Variants in ZDHHC6 observed in about 807,000 individuals in gnomAD.
ZDHHC6 encodes zDHHC palmitoyltransferase 6.
A neutral mutation model predicts 57.8 loss-of-function variants in ZDHHC6; 32 were observed. The observed-to-expected ratio is 0.55, with a 90% confidence interval of 0.42 to 0.74. The LOEUF (loss-of-function observed/expected upper bound fraction) is 0.74. Ranked by LOEUF, ZDHHC6 falls within the 30% of genes least tolerant of loss-of-function variation. The probability of loss-of-function intolerance (pLI) is 0.00; values close to 1 mark genes in which losing one functional copy is unlikely to be tolerated. For synonymous variants in ZDHHC6, 128 were observed against 158.0 expected (o/e 0.81, Z 1.42); for missense variants, 433 against 500.7 (o/e 0.86, Z 1.29).
chr10:112,436,213 G>A (rs1404170039), intron 6 of ZDHHC6, among the ~76,000 whole-genome samples: 2 of 152,242 alleles, frequency 1.3e-5, no homozygotes, highest in Non-Finnish European at 2.9e-5. Context: ...AGTGGCTCAC[G>A]CCTGTAATCC....
chr10:112,439,670 G>GTT (rs1845920901), intron 5 of ZDHHC6, among the ~76,000 whole-genome samples: 43 of 54,554 alleles, frequency 7.9e-4, no homozygotes, highest in East Asian at 2.3e-3. Context: ...AAAAAAAAAA[G>GTT]AATGAAAAAG....
At chr10:112,439,702 A>G (rs1195684344) in intron 5 of ZDHHC6, among the ~76,000 whole-genome samples, 1 of 143,174 alleles carries the variant, frequency 7.0e-6, no homozygotes, top group Admixed American at 7.1e-5. Flanking sequence ...GTCCCTTCAG[A>G]GCCAGGTCCT....
downstream of ZDHHC6, chr10:112,427,334 C>T (rs1220268527): frequency 5.0e-6 from 8 of 1,613,214 alleles, no homozygotes; most frequent in African/African-American, 1.1e-4. Flanking sequence ...AAATTGACAG[C>T]CTGTATGAGC....
chr10:112,424,850 T>C (rs1844608378), exon 12 of ZDHHC6: 1 of 152,298 alleles, frequency 6.6e-6, no homozygotes, highest in South Asian at 2.1e-4. Context: ...AGCCCAGTAA[T>C]TGAGTTGCTT....
At chr10:112,431,640 C>T (rs569515987) in intron 10 of ZDHHC6, among the ~76,000 whole-genome samples, 15 of 151,882 alleles carry the variant, frequency 9.9e-5, no homozygotes, top group East Asian at 9.7e-4. Flanking sequence ...ATATCACGGC[C>T]GTCATAAGAG....
In ZDHHC6 at chr10:112,445,522, T is replaced by C. The variant is rs1846578030; in HGVS notation, c.-86A>G. On this transcript the variant is annotated 5_prime_UTR_variant, in exon 2 of 11. The change abolishes an upstream ATG in the 5' untranslated region. Transcript: ENST00000369405. ...CACATTTCCATGTGCCACAAGTCCA[T>C]GTGTGTTCTTTAATTGTCATGCCTT... 1.3e-5 allele frequency: 19 copies of C among 1,459,970 alleles called. No individual in the cohort carries two copies. The highest frequency in any genetic ancestry group is 2.3e-5 in the East Asian group (1 of 43,130). The allele number at this position is 1,459,970 out of a possible 1,614,324, so 90.4% of individuals were successfully genotyped here. A position where few individuals can be genotyped will look rare whatever the true frequency, so the allele number is the denominator to read the frequency against.
upstream of ZDHHC6, chr10:112,447,245 T>C (rs1246377471): frequency 1.1e-6 from 1 of 936,040 alleles, no homozygotes. Context: ...GGTTGAGAGC[T>C]GTCCCCGGTT....
At position 112,432,376 on chromosome 10, in the gene ZDHHC6, C is replaced by G; in HGVS notation, c.1091G>C (p.Arg364Pro). ...GEFILATRGL[R>P]YWLYGDKILD... ...AAATGCAGTACTTCCTATTACTTAC[C>G]GTAAACCTCTTGTGGCTAAAATGAA... The change falls in exon 9 of 11, where the codon CGA (arginine) becomes CCA (proline). Residue 364 changes from arginine to proline, a missense_variant and splice_region_variant. Coordinates refer to ENST00000369405, the MANE Select transcript of ZDHHC6 (RefSeq NM_022494.3). 1 of 1,614,002 alleles carries G rather than the reference C, an allele frequency of 6.2e-7. No individual in the cohort carries two copies. The highest frequency in any genetic ancestry group is 8.5e-7 in the Non-Finnish European group (1 of 1,179,978).
chr10:112,445,756 A>G, intron 1 of ZDHHC6, 106 bp from the exon 2 acceptor site: 1 of 443,174 alleles, frequency 2.3e-6, no homozygotes, highest in Non-Finnish European at 4.0e-6. Context: ...ACAGCATCTC[A>G]CAAGTGCACT....
chr10:112,427,630 TTC>T (rs1213929346), downstream of ZDHHC6: 4 of 245,144 alleles, frequency 1.6e-5, no homozygotes, highest in Non-Finnish European at 2.3e-5. Flanking sequence ...CCAGTTTATG[TTC>T]TGTGTCCTTC....
rs369541274 is a variant in ZDHHC6 at position 112,430,827 on chromosome 10, C to G, written c.1219G>C (p.Glu407Gln). The change falls in exon 11 of 11, where the codon GAG (glutamate) becomes CAG (glutamine). Residue 407 changes from glutamate (E) to glutamine (Q), a missense_variant. Physicochemically the swap from Glu to Gln is conservative, Grantham distance 29. Transcript: ENST00000369405. ...PCDAETDQAP[E>Q]GEKKNR ...AGCTATCTATTTTTCTTCTCCCCCT[C>G]TGGGGCTTGATCTGTTTCAGCATCA... is the stretch of plus-strand genomic sequence containing the variant. 6.2e-7 allele frequency: 1 copy of G among 1,613,516 alleles called. No individual in the cohort carries two copies. Among genetic ancestry groups the G allele is most frequent in the East Asian group, 2.2e-5 (1 of 44,868 alleles).
upstream of ZDHHC6, chr10:112,447,337 C>G: frequency 6.2e-7 from 1 of 1,603,564 alleles, no homozygotes; most frequent in Non-Finnish European, 8.5e-7. Flanking sequence ...TTTCCCTGAC[C>G]TAGGCTTTGG....
chr10:112,444,146 T>G (rs561006436), intron 2 of ZDHHC6, among the ~76,000 whole-genome samples: 17 of 152,198 alleles, frequency 1.1e-4, no homozygotes, highest in Admixed American at 3.3e-4. Context: ...CCTACAACTT[T>G]CTATGGTCTA....
chr10:112,431,874 C>G (rs1446056915), intron 10 of ZDHHC6, among the ~76,000 whole-genome samples: 1 of 152,152 alleles, frequency 6.6e-6, no homozygotes, highest in Admixed American at 6.5e-5. Context: ...AGCCCTAGCT[C>G]CATCTGTTTT....
intron 7 of ZDHHC6, 60 bp downstream of exon 7, chr10:112,434,237 G>C: frequency 6.9e-7 from 1 of 1,444,264 alleles, no homozygotes; most frequent in Non-Finnish European, 9.3e-7. Flanking sequence ...TGAGTTGAGG[G>C]GGAGTTAAGG....
downstream of ZDHHC6, among the ~76,000 whole-genome samples, chr10:112,429,753 A>G (rs1589712130): frequency 6.6e-6 from 1 of 152,226 alleles, no homozygotes; most frequent in Non-Finnish European, 1.5e-5. Context: ...AGTCTAGAAC[A>G]CTACTGCCAC....
chr10:112,428,460 C>T (rs1844822669), downstream of ZDHHC6: 1 of 398,602 alleles, frequency 2.5e-6, no homozygotes, highest in African/African-American at 2.1e-5. Flanking sequence ...AGTACAGTAT[C>T]TGTTCTTAAA....
At chr10:112,444,639 A>G (rs979831629) in intron 2 of ZDHHC6, among the ~76,000 whole-genome samples, 6 of 152,216 alleles carry the variant, frequency 3.9e-5, no homozygotes, top group African/African-American at 1.2e-4. Context: ...ACAAGCCATC[A>G]GGTGTGGTCC....
intron 3 of ZDHHC6, among the ~76,000 whole-genome samples, chr10:112,442,826 T>C (rs1486729254): frequency 6.6e-6 from 1 of 152,188 alleles, no homozygotes; most frequent in Non-Finnish European, 1.5e-5. Flanking sequence ...CTTTAGTTAA[T>C]GGATCTCTGA....
Sources: gnomAD v4.1 joint callset for allele counts (sites outside exome capture counted in the v4.1 genomes callset) on GRCh38, gnomAD v4.1.1 for gene constraint, MANE v1.5 for transcripts, NCBI Gene and HGNC (gene_info 2026-07-23, HGNC 2026-07-21) for gene names.